The following TNS1 variants were observed in gnomAD, a reference collection of about 807,000 sequenced individuals.
TNS1 encodes the protein tensin-1.
A neutral mutation model predicts 168.6 loss-of-function variants in TNS1; 62 were observed. The observed-to-expected ratio is 0.37, with a 90% CI of 0.30 to 0.45. TNS1 has a LOEUF of 0.45. Among genes scored for constraint, TNS1 ranks in the 20% least tolerant of loss-of-function variants. The pLI, the probability that TNS1 is intolerant of heterozygous loss-of-function variation, is 1.00. For synonymous variants in TNS1, 934 were observed against 933.2 expected (o/e 1.00, Z -0.02); for missense variants, 2,240 against 2,339.4 (o/e 0.96, Z 0.88).
chr2:217,890,651 A>G (rs1382257237), intron 12 of TNS1: 4 of 416,608 alleles, frequency 9.6e-6, no homozygotes, highest in African/African-American at 8.0e-5. Context: ...AGGGCCAAGA[A>G]CAGCACATGC....
chr2:217,808,650 G>C lies in TNS1; in HGVS notation c.5295C>G (p.Tyr1765Ter). The C allele has an allele frequency of 6.2e-7, 1 of 1,614,110 alleles. No individual in the cohort carries two copies. Among genetic ancestry groups the C allele is most frequent in the Middle Eastern group, 1.7e-4 (1 of 6,056 alleles). The change falls in exon 31 of 33, where the codon TAC becomes TAG. Residue 1765 changes from tyrosine to a stop codon, truncating the protein, a stop_gained. Transcript: ENST00000682258. LOFTEE classifies it high-confidence loss of function. ...NQRKLFFRRH[Y>*]PLNTVTFCDL... Reference sequence around the variant, plus strand: ...CACAGAAGGTGACAGTGTTGAGAGGGTAGTGGCGTCTGAAAAAGAGCCTGC... The same window carrying C: ...CACAGAAGGTGACAGTGTTGAGAGGCTAGTGGCGTCTGAAAAAGAGCCTGC...
chr2:217,961,917 G>A (rs925874802), intron 3 of TNS1, among the ~76,000 whole-genome samples: 1 of 152,166 alleles, frequency 6.6e-6, no homozygotes, highest in Non-Finnish European at 1.5e-5. Context: ...TGAAAAGGTG[G>A]GTGGCCTTCT....
rs1946862695 is a variant in TNS1 at position 217,847,778 on chromosome 2, A to G, written c.2739T>C (p.Pro913=). 6.2e-7 allele frequency: 1 copy of G among 1,608,008 alleles called. No individual in the cohort carries two copies. ...PAPRASLESV[P]PGRSYSPYDY... ...CATAAGGTGAGTAAGACCTGCCAGG[A>G]GGGACAGACTCCAGAGAGGCCCGTG... is the stretch of plus-strand genomic sequence containing the variant. The change falls in exon 19 of 33, where the codon CCT becomes CCC. Residue 913 remains proline (P), a synonymous_variant. Coordinates refer to ENST00000682258, the MANE Select transcript of TNS1 (RefSeq NM_001387777.1).
rs1296478605 is a variant in TNS1 at position 217,995,218 on chromosome 2, C to T, written c.34-4162G>A. ...GGCTCTGCTGGCATCCACTTAGTTC[C>T]GCTGTGAAACAGGGACACTGCGCTG... On this transcript the variant is annotated intron_variant, in intron 1 of 32. Coordinates refer to ENST00000682258, the MANE Select transcript of TNS1 (RefSeq NM_001387777.1). This position sits in a 1 kb window ranked among gnomAD's most constrained non-coding sequence, Gnocchi z 4.1. 1.3e-5 allele frequency among the ~76,000 whole-genome samples: 2 copies of T among 152,140 alleles called. No individual in the cohort carries two copies. Among genetic ancestry groups the T allele is most frequent in the African/African-American group, 4.8e-5 (2 of 41,414 alleles).
At chr2:218,010,367 C>T (rs1958695031) in exon 1 of TNS1, 2 of 393,850 alleles carry the variant, frequency 5.1e-6, no homozygotes, top group Non-Finnish European at 4.5e-6. Context: ...TCCTGCTGCC[C>T]CCTCTAGCGG....
intron 1 of TNS1, among the ~76,000 whole-genome samples, chr2:217,993,136 G>A (rs1021976553): frequency 1.3e-5 from 2 of 152,178 alleles, no homozygotes; most frequent in Non-Finnish European, 2.9e-5. Flanking sequence ...TAGCATAGGT[G>A]TGCAGTAGGC....
At chr2:217,887,478 T>C (rs1329278491) in intron 12 of TNS1, among the ~76,000 whole-genome samples, 1 of 152,116 alleles carries the variant, frequency 6.6e-6, no homozygotes, top group Non-Finnish European at 1.5e-5. Context: ...CCGGCTAATT[T>C]TGTATTTTTA....
intron 3 of TNS1, among the ~76,000 whole-genome samples, chr2:217,924,037 G>A (rs913544640): frequency 7.2e-5 from 11 of 152,220 alleles, no homozygotes; most frequent in African/African-American, 2.4e-4. Context: ...GGAACTCCCT[G>A]CATGACCCAG....
At position 217,897,790 on chromosome 2, in the gene TNS1, A is replaced by G. The variant is rs1304135858; in HGVS notation, c.543+8T>C. 3.8e-6 allele frequency: 6 copies of G among 1,590,310 alleles called. No individual in the cohort carries two copies. The highest frequency in any genetic ancestry group is 5.1e-6 in the Non-Finnish European group (6 of 1,168,482). ...CACAGGACAGTGGGCACGAGGATCCATCCTCACCAGGTAGTTGCCTCCATG... is the reference window on the plus strand; with the variant it reads ...CACAGGACAGTGGGCACGAGGATCCGTCCTCACCAGGTAGTTGCCTCCATG... On this transcript the variant is annotated splice_region_variant and intron_variant, in intron 8 of 32. Coordinates refer to ENST00000682258, the MANE Select transcript of TNS1 (RefSeq NM_001387777.1).
chr2:217,805,584 A>ACC (rs1938688468), intron 32 of TNS1, among the ~76,000 whole-genome samples: 1 of 3,344 alleles, frequency 3.0e-4, no homozygotes. Context: ...CCACACACAC[A>ACC]ACACACACCA....
In TNS1 at chr2:217,849,079, C is replaced by T; in HGVS notation, c.1438G>A (p.Gly480Arg). ...CCATCTAGTGGCCCCTGCGTGTGTC[C>T]CACCACCTCTGCAAGGGACAGAGCC... ...HRDDGMEEVV[G>R]HTQGPLDGSL... The change falls in exon 19 of 33, where the codon GGA becomes AGA. Residue 480 changes from glycine (G) to arginine (R), a missense_variant. By Grantham distance (125) the Gly-to-Arg change is moderately radical. Around this residue, in one of 2 missense-constraint regions of TNS1, gnomAD observed 2,131 missense variants for 2,171.2 expected, o/e 0.98. Coordinates refer to ENST00000682258, the MANE Select transcript of TNS1 (RefSeq NM_001387777.1). The T allele has an allele frequency of 6.2e-7, 1 of 1,610,300 alleles. No individual in the cohort carries two copies. Among genetic ancestry groups the T allele is most frequent in the South Asian group, 1.1e-5 (1 of 90,940 alleles).
chr2:218,013,093 C>CAAA (rs139712924), upstream of TNS1, among the ~76,000 whole-genome samples: 1 of 137,712 alleles, frequency 7.3e-6, no homozygotes, highest in African/African-American at 2.7e-5. Flanking sequence ...AGTAAAAATA[C>CAAA]AAAAAAAAAA....
In TNS1 at chr2:217,886,083, A is replaced by G; in HGVS notation, c.1001T>C (p.Ile334Thr). 2 of 1,613,930 alleles carry G rather than the reference A, an allele frequency of 1.2e-6. No homozygotes were observed. The highest frequency in any genetic ancestry group is 1.7e-6 in the Non-Finnish European group (2 of 1,179,996). ...GTACACAGGTTGCATGGCCTGGTAG[A>G]TGCGGAGAAATGGCCGACATCCTGT... ...SKGGCRPFLRIYQAMQPVYTS... is the reference protein window; with the variant it reads ...SKGGCRPFLRTYQAMQPVYTS... Residue 334 changes from isoleucine to threonine, a missense_variant, in exon 14 of 33, where the codon ATC becomes ACC. This residue lies in a region of TNS1 where 2,131 missense variants were observed against 2,171.2 expected (regional missense o/e 0.98). Coordinates refer to ENST00000682258, the MANE Select transcript of TNS1 (RefSeq NM_001387777.1).
intron 1 of TNS1, among the ~76,000 whole-genome samples, chr2:218,021,498 G>A (rs1048682294): frequency 1.3e-5 from 2 of 152,178 alleles, no homozygotes; most frequent in Admixed American, 6.5e-5. Context: ...AATCTACAAC[G>A]CAACTGCTGC....
intron 3 of TNS1, among the ~76,000 whole-genome samples, chr2:217,920,542 C>T (rs1189766919): frequency 6.7e-6 from 1 of 150,250 alleles, no homozygotes; most frequent in South Asian, 2.1e-4. Context: ...ATAACAGAAG[C>T]TTCAGGTAAT....
upstream of TNS1, among the ~76,000 whole-genome samples, chr2:218,005,456 G>A (rs756427089): frequency 7.5e-4 from 114 of 152,344 alleles, no homozygotes; most frequent in Non-Finnish European, 1.3e-3. Context: ...GGTCTCTCCT[G>A]TATATTAATC....
chr2:217,999,013 G>C (rs535217616), intron 1 of TNS1, among the ~76,000 whole-genome samples: 20 of 152,260 alleles, frequency 1.3e-4, no homozygotes, highest in African/African-American at 3.9e-4. Context: ...AGCTGCGTGG[G>C]GGGTGTGGTT....
At chr2:218,024,412 G>C (rs942335866) in intron 1 of TNS1, among the ~76,000 whole-genome samples, 1 of 151,116 alleles carries the variant, frequency 6.6e-6, no homozygotes, top group Admixed American at 6.6e-5. Context: ...TTAGGATATT[G>C]AGTGGCTGGG....
Position 217,885,744 on chromosome 2 carries a change from C to G in TNS1, c.1116G>C (p.Leu372Phe). 6.2e-7 allele frequency: 1 copy of G among 1,613,866 alleles called. No homozygotes were observed. Among genetic ancestry groups the G allele is most frequent in the Non-Finnish European group, 8.5e-7 (1 of 1,179,830 alleles). The change falls in exon 15 of 33, where the codon TTG becomes TTC. Residue 372 changes from leucine (L) to phenylalanine (F), a missense_variant and splice_region_variant. Around this residue, in one of 2 missense-constraint regions of TNS1, gnomAD observed 2,131 missense variants for 2,171.2 expected, o/e 0.98. Transcript: ENST00000682258. ...GCTTGACACAGAGGACAGCACTCAC[C>G]AAGATGTCTCCCTTCAAGAGCAGTC... The part of the protein sequence containing the change: ...EPGLLLKGDI[L>F]LKCYHKKFRS...
Sources: allele counts gnomAD v4.1 joint callset (sites outside exome capture counted in the v4.1 genomes callset), GRCh38; gene constraint gnomAD v4.1.1; regional missense constraint gnomAD v4.1.1; non-coding constraint Gnocchi (gnomAD v3.1); transcripts MANE v1.5; gene names NCBI Gene and HGNC (gene_info 2026-07-23, HGNC 2026-07-21).